GPS1: variants seen among roughly 807,000 people sequenced by gnomAD.
GPS1 encodes the protein G protein pathway suppressor 1, also known as COP9 signalosome complex subunit 1.
GPS1 carries 11 observed loss-of-function variants against 60.0 expected under a neutral mutation model. That is an observed-to-expected ratio of 0.18 (90% CI 0.12 to 0.30). The LOEUF is 0.30. Ranked by LOEUF, GPS1 falls within the 10% of genes least tolerant of loss-of-function variation. The pLI is 1.00. For synonymous variants in GPS1, 343 were observed against 269.8 expected (o/e 1.27, Z -2.66); for missense variants, 543 against 669.2 (o/e 0.81, Z 2.08).
Position 82,055,727 on chromosome 17 carries a change from C to T in GPS1, c.749-13C>T, listed in dbSNP as rs200349049. 2.5e-3 allele frequency: 3,860 copies of T among 1,540,708 alleles called. 11 individuals carry two copies. The highest frequency in any genetic ancestry group is 3.2e-3 in the Non-Finnish European group (3,625 of 1,139,164). ...CCCTCTCCCCCCTCCCCGCCCCCGG[C>T]TCCTTCCACTAGGCTTGGCAGAGCT... On this transcript the variant is annotated splice_polypyrimidine_tract_variant and intron_variant, in intron 6 of 12. Coordinates refer to ENST00000578552, the MANE Select transcript of GPS1 (RefSeq NM_001321092.3).
rs1425547008 is a variant in GPS1 at position 82,053,888 on chromosome 17, C to T, written c.147C>T (p.Ala49=). The T allele has an allele frequency of 6.2e-7, 1 of 1,611,548 alleles. No individual in the cohort carries two copies. The highest frequency in any genetic ancestry group is 8.5e-7 in the Non-Finnish European group (1 of 1,179,642). ...CCCAGGATCTGGAACAGTACGCGGCCAGCTACAGCGGCCTGATGCGCATCG... is the reference window on the plus strand; with the variant it reads ...CCCAGGATCTGGAACAGTACGCGGCTAGCTACAGCGGCCTGATGCGCATCG... The part of the protein sequence containing the change: ...NPSLDLEQYA[A]SYSGLMRIER... Residue 49 remains alanine (A), a synonymous_variant, in exon 3 of 13, where the codon GCC becomes GCT. Coordinates refer to ENST00000578552, the MANE Select transcript of GPS1 (RefSeq NM_001321092.3).
In GPS1 at chr17:82,053,371, G is replaced by A. The variant is rs751127539; in HGVS notation, c.126+5G>A. The A allele has an allele frequency of 2.1e-5, 31 of 1,473,658 alleles. No individual in the cohort carries two copies. The South Asian group carries it at 2.8e-4, about 13-fold the overall frequency. 91.3% of individuals were successfully genotyped at this position (1,473,658 alleles called of 1,614,324 possible). A position where few individuals can be genotyped will look rare whatever the true frequency, so the allele number is the denominator to read the frequency against. On this transcript the variant is annotated splice_donor_5th_base_variant and intron_variant, in intron 2 of 12. Coordinates refer to ENST00000578552, the MANE Select transcript of GPS1 (RefSeq NM_001321092.3). The stretch of plus-strand genomic sequence containing the variant: ...GTGGTGGAGAACCCCAGCCTGGTAC[G>A]GAGCCCAGTGGGGGGACCTTGGGTG...
At position 82,056,541 on chromosome 17, in the gene GPS1, C is replaced by T. The variant is rs772901338; in HGVS notation, c.1107C>T (p.Ala369=). 29 of 1,612,930 alleles carry T rather than the reference C, an allele frequency of 1.8e-5. No homozygotes were observed. The highest frequency in any genetic ancestry group is 1.7e-6 in the Non-Finnish European group (2 of 1,180,012). The change falls in exon 10 of 13, where the codon GCC becomes GCT. Residue 369 remains alanine (A), a synonymous_variant. Coordinates refer to ENST00000578552, the MANE Select transcript of GPS1 (RefSeq NM_001321092.3). ...TGTACACCCAGATTCGCAACCGTGC[C>T]CTCATCCAGGTAAGCGTGGGGGTCA... The part of the protein sequence containing the change: ...RTLYTQIRNR[A]LIQYFSPYVS...
At chr17:82,054,414 G>C (rs1172757917) in intron 3 of GPS1, 96 bp from the exon 4 acceptor site, 2 of 1,414,190 alleles carry the variant, frequency 1.4e-6, no homozygotes, top group African/African-American at 2.9e-5. Context: ...CTGTGTGCCG[G>C]TTGGGCCTTT....
chr17:82,056,436 C>T (rs2032786948), intron 9 of GPS1, 34 bp from the exon 10 acceptor site: 2 of 1,612,742 alleles, frequency 1.2e-6, no homozygotes, highest in African/African-American at 1.3e-5. Flanking sequence ...CCTGCCTGGC[C>T]TCCTGTCCTG....
Position 82,057,333 on chromosome 17 carries a change from C to A in GPS1, c.*206C>A. 2 of 744,546 alleles carry A rather than the reference C, an allele frequency of 2.7e-6. No individual in the cohort carries two copies. Among genetic ancestry groups the A allele is most frequent in the Admixed American group, 2.0e-5 (1 of 49,840 alleles). The allele number at this position is 744,546 out of a possible 1,614,324, so 46.1% of individuals were successfully genotyped here. A position where few individuals can be genotyped will look rare whatever the true frequency, so the allele number is the denominator to read the frequency against. On this transcript the variant is annotated 3_prime_UTR_variant, in exon 13 of 13. Transcript: ENST00000578552. Reference sequence around the variant, plus strand: ...GGAAGGAGAGGCCTGCAGGGCTCGACCCTGTGGGTTTCTGTCCCCAGGGAG... The same window carrying A: ...GGAAGGAGAGGCCTGCAGGGCTCGAACCTGTGGGTTTCTGTCCCCAGGGAG...
At chr17:82,055,902 T>C in intron 7 of GPS1, 77 bp downstream of exon 7, 1 of 1,447,560 alleles carries the variant, frequency 6.9e-7, no homozygotes, top group Non-Finnish European at 9.6e-7. Flanking sequence ...GGGTGAGGTC[T>C]CTCACAAATG....
intron 4 of GPS1, 26 bp from the exon 5 acceptor site, chr17:82,054,872 C>T: frequency 6.4e-7 from 1 of 1,570,464 alleles, no homozygotes; most frequent in South Asian, 1.2e-5. Flanking sequence ...CGCCCGGGCT[C>T]ACTTGGCTCT....
At chr17:82,056,181 G>A in intron 8 of GPS1, 86 bp downstream of exon 8, 3 of 1,384,440 alleles carry the variant, frequency 2.2e-6, no homozygotes, top group Non-Finnish European at 3.1e-6. Context: ...CTGGCCCCCT[G>A]GCCCCAGCGT....
chr17:82,051,849 G>A (rs1455609335), upstream of GPS1: 5 of 1,147,650 alleles, frequency 4.4e-6, no homozygotes, highest in Non-Finnish European at 5.4e-6. The surrounding 1 kb of genome is among the most constrained non-coding windows in gnomAD (Gnocchi z 4.1). Flanking sequence ...AGAACGCAGC[G>A]GCCCCGCCCC....
chr17:82,051,188 G>A, upstream of GPS1: 1 of 1,306,200 alleles, frequency 7.7e-7, no homozygotes, highest in African/African-American at 1.5e-5. This position sits in a 1 kb window ranked among gnomAD's most constrained non-coding sequence, Gnocchi z 4.1. Flanking sequence ...GGCCTCGGGA[G>A]CCTGGGCAGA....
intron 1 of GPS1, chr17:82,052,224 C>T: frequency 6.3e-7 from 1 of 1,577,718 alleles, no homozygotes; most frequent in Non-Finnish European, 8.6e-7. Context: ...GGTTCCCGGC[C>T]GCCCCGACGC....
chr17:82,052,405 G>T (rs1274962143), intron 1 of GPS1: 3 of 1,611,704 alleles, frequency 1.9e-6, no homozygotes, highest in South Asian at 1.1e-5. Context: ...TGCCCGGCAC[G>T]GCCGGGGACT....
At chr17:82,054,232 G>A (rs1030500813) in intron 3 of GPS1, 183 bp downstream of exon 3, 8 of 750,568 alleles carry the variant, frequency 1.1e-5, no homozygotes, top group Non-Finnish European at 1.5e-5. Flanking sequence ...TTCTGTGTGT[G>A]TGCATGCAGG....
chr17:82,052,849 T>G (rs576083938), intron 1 of GPS1: 8 of 258,460 alleles, frequency 3.1e-5, no homozygotes, highest in Non-Finnish European at 5.3e-5. Context: ...CAGGACAGAT[T>G]CCGGGGGCTG....
chr17:82,054,825 G>A lies in GPS1; in HGVS notation c.609+15G>A, dbSNP rs1171824745. 1 of 1,581,468 alleles carries A rather than the reference G, an allele frequency of 6.3e-7. No individual in the cohort carries two copies. Among genetic ancestry groups the A allele is most frequent in the African/African-American group, 1.3e-5 (1 of 74,490 alleles). ...ATGTCATCAAGGTCGGCCTGCCTCG[G>A]CGGGCGGGGGTGGGCAGCATGGCTG... On this transcript the variant is annotated intron_variant, in intron 4 of 12. Coordinates refer to ENST00000578552, the MANE Select transcript of GPS1 (RefSeq NM_001321092.3).
intron 5 of GPS1, 26 bp from the exon 6 acceptor site, chr17:82,055,136 C>G: frequency 6.4e-7 from 1 of 1,563,636 alleles, no homozygotes; most frequent in Admixed American, 1.9e-5. Flanking sequence ...GAGCATGGGC[C>G]TCACGCATGT....
intron 3 of GPS1, 115 bp downstream of exon 3, chr17:82,054,164 C>T (rs1002548528): frequency 4.6e-5 from 56 of 1,217,704 alleles, no homozygotes; most frequent in African/African-American, 1.1e-4. Flanking sequence ...GGAAGTCGGG[C>T]GGGTAGAGCT....
At chr17:82,051,534 A>G, upstream of GPS1, 6 of 1,399,682 alleles carry the variant, frequency 4.3e-6, no homozygotes, top group East Asian at 3.2e-5. The surrounding 1 kb of genome is among the most constrained non-coding windows in gnomAD (Gnocchi z 4.1). Flanking sequence ...GGTGCGCAGC[A>G]GCAGCCGCAG....
Sources: gnomAD v4.1 joint callset for allele counts on GRCh38, gnomAD v4.1.1 for gene constraint, Gnocchi (gnomAD v3.1) non-coding constraint, MANE v1.5 for transcripts, NCBI Gene and HGNC (gene_info 2026-07-23, HGNC 2026-07-21) for gene names.